The following CUX1 variants were observed in gnomAD, a reference collection of about 807,000 sequenced individuals.
The protein encoded by CUX1 is protein CASP.
Under a neutral mutation model 158.8 loss-of-function variants are expected in CUX1, and 31 were observed. The observed-to-expected ratio is 0.20, with a 90% CI of 0.15 to 0.26. The LOEUF is 0.26. Ranked by LOEUF, CUX1 falls within the 10% of genes least tolerant of loss-of-function variation. The pLI, the probability that CUX1 is intolerant of heterozygous loss-of-function variation, is 1.00. For synonymous variants in CUX1, 879 were observed against 862.1 expected (o/e 1.02, Z -0.34); for missense variants, 1,589 against 2,014.6 (o/e 0.79, Z 4.04).
chr7:102,098,769 T>G (rs550173244), intron 5 of CUX1, among the ~76,000 whole-genome samples: 1 of 148,090 alleles, frequency 6.8e-6, no homozygotes, highest in East Asian at 2.0e-4. Context: ...GCCTCCCGAA[T>G]AGCTGGGACT....
At chr7:101,821,999 C>T (rs1251403771) in intron 1 of CUX1, among the ~76,000 whole-genome samples, 2 of 151,640 alleles carry the variant, frequency 1.3e-5, no homozygotes, top group Admixed American at 6.6e-5. Flanking sequence ...GGACTACAGG[C>T]GCCCGCCACC....
At chr7:101,913,118 T>C (rs1007921952) in intron 1 of CUX1, 1 of 207,084 alleles carries the variant, frequency 4.8e-6, no homozygotes, top group African/African-American at 2.3e-5. Flanking sequence ...AAGGATTTGG[T>C]GGTACTGGTT....
At chr7:102,206,892 C>T (rs1796009545) in intron 20 of CUX1, among the ~76,000 whole-genome samples, 1 of 152,138 alleles carries the variant, frequency 6.6e-6, no homozygotes, top group African/African-American at 2.4e-5. Flanking sequence ...GAGCGAGACT[C>T]CATCTCAAAA....
intron 2 of CUX1, among the ~76,000 whole-genome samples, chr7:101,964,124 G>C (rs1265522800): frequency 6.6e-6 from 1 of 152,096 alleles, no homozygotes; most frequent in Non-Finnish European, 1.5e-5. Flanking sequence ...GGCCGAGGCA[G>C]GTGGATCACC....
Position 102,248,853 on chromosome 7 carries a change from C to A in CUX1, c.4329C>A (p.Asn1443Lys). 9.3e-7 allele frequency: 1 copy of A among 1,081,030 alleles called. No homozygotes were observed. Among genetic ancestry groups the A allele is most frequent in the Non-Finnish European group, 1.2e-6 (1 of 848,456 alleles). The allele number at this position is 1,081,030 out of a possible 1,614,324, so 67.0% of individuals were successfully genotyped here. The change falls in exon 24 of 24, where the codon AAC becomes AAA. Residue 1443 changes from asparagine to lysine, a missense_variant. Around this residue, in one of 8 missense-constraint regions of CUX1, gnomAD observed 344 missense variants for 323.7 expected, o/e 1.06. Coordinates refer to ENST00000292535, the MANE Select transcript of CUX1 (RefSeq NM_181552.4). The surrounding 1 kb of genome is among the most constrained non-coding windows in gnomAD (Gnocchi z 5.8). ...CGAGCTCCGCGCCGCCGCCCAGCAACAGCAGCAGCAGCAGCGCCCCCCGCA... is the reference window on the plus strand; with the variant it reads ...CGAGCTCCGCGCCGCCGCCCAGCAAAAGCAGCAGCAGCAGCGCCCCCCGCA... ...AAPSSAPPPSNSSSSSAPRRP... is the reference protein window; with the variant it reads ...AAPSSAPPPSKSSSSSAPRRP...
intron 1 of CUX1, among the ~76,000 whole-genome samples, chr7:101,874,893 C>T (rs761912186): frequency 1.3e-5 from 2 of 152,222 alleles, no homozygotes; most frequent in Admixed American, 6.5e-5. Context: ...CACCTTCTGA[C>T]ACCAGGCTGG....
At chr7:102,225,178 A>G (rs868913099) in intron 20 of CUX1, among the ~76,000 whole-genome samples, 3 of 152,054 alleles carry the variant, frequency 2.0e-5, no homozygotes, top group South Asian at 4.1e-4. Flanking sequence ...TCTCTTCTAC[A>G]TCTTTCAAAA....
intron 8 of CUX1, among the ~76,000 whole-genome samples, chr7:102,155,228 G>T (rs1395345972): frequency 6.6e-6 from 1 of 152,004 alleles, no homozygotes; most frequent in East Asian, 1.9e-4. Flanking sequence ...GTAACTAACT[G>T]AAGTACAAAA....
At chr7:101,932,909 A>G (rs1418926770) in intron 2 of CUX1, among the ~76,000 whole-genome samples, 1 of 152,180 alleles carries the variant, frequency 6.6e-6, no homozygotes. Flanking sequence ...CTCTAAGGAG[A>G]GGTGATATTT....
At chr7:101,957,340 G>A (rs931513867) in intron 2 of CUX1, among the ~76,000 whole-genome samples, 39 of 152,208 alleles carry the variant, frequency 2.6e-4, no homozygotes, top group African/African-American at 9.2e-4. Flanking sequence ...CTAAGTCTTA[G>A]CAGGGATTAT....
At chr7:102,204,242 C>A in intron 18 of CUX1, 149 bp from the exon 19 acceptor site, 1 of 1,002,772 alleles carries the variant, frequency 1.0e-6, no homozygotes, top group Non-Finnish European at 1.5e-6. Context: ...TCCCTGCCCA[C>A]AAGCTGTCAC....
chr7:102,070,590 T>C (rs1826018406), intron 4 of CUX1, among the ~76,000 whole-genome samples, 173 bp downstream of exon 4: 1 of 152,082 alleles, frequency 6.6e-6, no homozygotes, highest in Admixed American at 6.5e-5. Flanking sequence ...AACCCAGACT[T>C]TGGGTACGGA....
chr7:102,018,662 G>A (rs1362269048), intron 2 of CUX1, among the ~76,000 whole-genome samples: 1 of 152,254 alleles, frequency 6.6e-6, no homozygotes, highest in African/African-American at 2.4e-5. Context: ...TCAGCTCTGA[G>A]ACCAGAAGAA....
At chr7:102,008,417 G>C (rs555793803) in intron 2 of CUX1, among the ~76,000 whole-genome samples, 1 of 151,526 alleles carries the variant, frequency 6.6e-6, no homozygotes, top group Non-Finnish European at 1.5e-5. Context: ...CCCCAGCCCA[G>C]CAAAGAGGGA....
At chr7:101,950,156 C>A (rs553430801) in intron 2 of CUX1, among the ~76,000 whole-genome samples, 24 of 151,962 alleles carry the variant, frequency 1.6e-4, no homozygotes, top group Middle Eastern at 3.2e-3. Flanking sequence ...ATTACAGGCA[C>A]CCGCCACCAC....
chr7:101,937,212 C>T (rs1435986422), intron 2 of CUX1, among the ~76,000 whole-genome samples: 1 of 152,112 alleles, frequency 6.6e-6, no homozygotes, highest in Non-Finnish European at 1.5e-5. Context: ...ACCGGGATGT[C>T]AGCACCCCAG....
At chr7:102,071,835 C>A (rs1359887115) in intron 4 of CUX1, among the ~76,000 whole-genome samples, 1 of 152,194 alleles carries the variant, frequency 6.6e-6, no homozygotes, top group Non-Finnish European at 1.5e-5. Flanking sequence ...CTCTGGACTT[C>A]AGTGTTCTCA....
chr7:101,831,200 A>G (rs1793960401), intron 1 of CUX1, among the ~76,000 whole-genome samples: 1 of 152,084 alleles, frequency 6.6e-6, no homozygotes, highest in East Asian at 1.9e-4. Context: ...GTTGTTGAGC[A>G]TTTATTGAGT....
chr7:102,086,345 T>C lies in CUX1; in HGVS notation c.269-11019T>C, dbSNP rs1266434449. On this transcript the variant is annotated intron_variant, in intron 4 of 23. Transcript: ENST00000292535. Reference sequence around the variant, plus strand: ...TTAATTTGCTCTTCTTTATGAGTTTTACTAAGTGGGCATTGTTTTATTTCA... The same window carrying C: ...TTAATTTGCTCTTCTTTATGAGTTTCACTAAGTGGGCATTGTTTTATTTCA... 2.0e-5 allele frequency among the ~76,000 whole-genome samples: 3 copies of C among 152,146 alleles called. No homozygotes were observed. In the East Asian group the frequency reaches 5.8e-4, roughly 29 times the overall value.
Sources: gnomAD v4.1 joint callset for allele counts (sites outside exome capture counted in the v4.1 genomes callset) on GRCh38, gnomAD v4.1.1 for gene constraint, gnomAD v4.1.1 regional missense constraint, Gnocchi (gnomAD v3.1) non-coding constraint, MANE v1.5 for transcripts, NCBI Gene and HGNC (gene_info 2026-07-23, HGNC 2026-07-21) for gene names.